Variants in CXCR6 observed in about 807,000 individuals in gnomAD.
The protein encoded by CXCR6 is C-X-C chemokine receptor type 6.
Under a neutral mutation model 1.6 loss-of-function variants are expected in CXCR6, and 3 were observed. The ratio of observed to expected loss-of-function variants is 1.83; its 90% CI spans 0.83 to 4.72. The LOEUF (loss-of-function observed/expected upper bound fraction) is 4.72. CXCR6 is among the 30% of genes most tolerant of loss of function. CXCR6 has a pLI of 0.02. For missense variants in CXCR6, 326 were observed against 414.8 expected (o/e 0.79, Z 1.86); for synonymous variants, 171 against 159.2 (o/e 1.07, Z -0.56).
chr3:45,942,031 T>C (rs140172325), upstream of CXCR6, among the ~76,000 whole-genome samples: 188 of 152,382 alleles, frequency 1.2e-3, no homozygotes, highest in African/African-American at 4.4e-3. Flanking sequence ...ATGTAGTCTA[T>C]GCGGCCTCAT....
At chr3:45,946,348 T>C (rs1704602220) in intron 1 of CXCR6, 113 bp from the exon 2 acceptor site, 2 of 714,346 alleles carry the variant, frequency 2.8e-6, no homozygotes, top group Non-Finnish European at 4.7e-6. Context: ...CACATCCCAG[T>C]GGGTGGGTTT....
At chr3:45,944,354 A>C (rs967105046) in intron 1 of CXCR6, among the ~76,000 whole-genome samples, 1 of 152,190 alleles carries the variant, frequency 6.6e-6, no homozygotes, top group African/African-American at 2.4e-5. Flanking sequence ...AATAGTTAAT[A>C]CTTATTTTGC....
upstream of CXCR6, among the ~76,000 whole-genome samples, chr3:45,941,611 G>C (rs1300191056): frequency 6.6e-6 from 1 of 152,214 alleles, no homozygotes; most frequent in African/African-American, 2.4e-5. Context: ...AAAGTCTTTT[G>C]TACTATAGAG....
chr3:45,946,481 C>T lies in CXCR6; in HGVS notation c.-1C>T. 1 of 1,610,992 alleles carries T rather than the reference C, an allele frequency of 6.2e-7. No individual in the cohort carries two copies. Among genetic ancestry groups the T allele is most frequent in the Non-Finnish European group, 8.5e-7 (1 of 1,177,860 alleles). On this transcript the variant is annotated 5_prime_UTR_variant, in exon 2 of 2. Coordinates refer to ENST00000304552, the MANE Select transcript of CXCR6 (RefSeq NM_006564.2). ...CACAGGTGTTCATCAGAACAGACAC[C>T]ATGGCAGAGCATGATTACCATGAAG...
rs1053135027 is a variant in CXCR6 at position 45,947,107 on chromosome 3, T to C, written c.626T>C (p.Val209Ala). ...GFFLPLLTMI[V>A]CYSVIIKTLL... is the part of the protein sequence containing the mutation. ...TTCTTGCCACTGCTCACCATGATTGTCTGCTATTCAGTCATAATCAAAACA... is the reference window on the plus strand; with the variant it reads ...TTCTTGCCACTGCTCACCATGATTGCCTGCTATTCAGTCATAATCAAAACA... The change falls in exon 2 of 2, where the codon GTC (valine) becomes GCC (alanine). Residue 209 changes from valine (V) to alanine (A), a missense_variant. Physicochemically the swap from Val to Ala is moderately conservative, Grantham distance 64. Transcript: ENST00000304552. 1.1e-5 allele frequency: 18 copies of C among 1,614,130 alleles called. No individual in the cohort carries two copies. The highest frequency in any genetic ancestry group is 2.7e-5 in the African/African-American group (2 of 74,948).
chr3:45,946,363 G>A (rs1704603469), intron 1 of CXCR6, 98 bp from the exon 2 acceptor site: 1 of 840,298 alleles, frequency 1.2e-6, no homozygotes, highest in Non-Finnish European at 1.9e-6. Flanking sequence ...GGGTTTAGAA[G>A]ATGACTATTT....
In CXCR6 at chr3:45,946,889, G is replaced by A; in HGVS notation, c.408G>A (p.Lys136=). Residue 136 remains lysine (K), a synonymous_variant, in exon 2 of 2, where the codon AAG becomes AAA. Transcript: ENST00000304552. ...TCATTGTAGTGGTTAAGGCCACCAA[G>A]GCCTACAACCAGCAAGCCAAGAGGA... The part of the protein sequence containing the change: ...DRFIVVVKAT[K]AYNQQAKRMT... 1 of 1,614,248 alleles carries A rather than the reference G, an allele frequency of 6.2e-7. No individual in the cohort carries two copies. Among genetic ancestry groups the A allele is most frequent in the South Asian group, 1.1e-5 (1 of 91,078 alleles).
upstream of CXCR6, chr3:45,941,203 G>A (rs1347885244): frequency 6.6e-6 from 1 of 152,136 alleles, no homozygotes; most frequent in Admixed American, 6.5e-5. Context: ...ACTTTTCTGT[G>A]GATCACAGCC....
At chr3:45,945,228 G>A (rs1194817374) in intron 1 of CXCR6, 3 of 152,228 alleles carry the variant, frequency 2.0e-5, no homozygotes, top group Non-Finnish European at 4.4e-5. Context: ...GCAATATTTT[G>A]ACTTTGCTGG....
rs755080913 is a variant in CXCR6 at position 45,946,592 on chromosome 3, G to A, written c.111G>A (p.Met37Ile). Residue 37 changes from methionine to isoleucine, a missense_variant, in exon 2 of 2, where the codon ATG (methionine) becomes ATA (isoleucine). Coordinates refer to ENST00000304552, the MANE Select transcript of CXCR6 (RefSeq NM_006564.2). ...LQFSKVFLPCMYLVVFVCGLV... is the reference protein window; with the variant it reads ...LQFSKVFLPCIYLVVFVCGLV... ...TCAGCAAGGTCTTTCTGCCCTGCAT[G>A]TACCTGGTGGTGTTTGTCTGTGGTC... The A allele has an allele frequency of 3.7e-6, 6 of 1,614,202 alleles. No individual in the cohort carries two copies. The highest frequency in any genetic ancestry group is 2.2e-5 in the South Asian group (2 of 91,076).
At chr3:45,946,377 C>T in intron 1 of CXCR6, 84 bp from the exon 2 acceptor site, 1 of 977,358 alleles carries the variant, frequency 1.0e-6, no homozygotes, top group East Asian at 2.4e-5. Context: ...ACTATTTGCC[C>T]CCTAAATGTG....
In CXCR6 at chr3:45,947,340, C is replaced by T. The variant is rs139181143; in HGVS notation, c.859C>T (p.Leu287Phe). ...CCTGAGGGCCTGCCTTAACCCTGTG[C>T]TCTATGCCTTTGTCAGCCTGAAGTT... is the stretch of plus-strand genomic sequence containing the variant. ...AYLRACLNPV[L>F]YAFVSLKFRK... Residue 287 changes from leucine (L) to phenylalanine (F), a missense_variant, in exon 2 of 2, where the codon CTC (leucine) becomes TTC (phenylalanine). Leu to Phe is a conservative substitution (Grantham distance 22, BLOSUM62 0). Transcript: ENST00000304552. 2.5e-6 allele frequency: 4 copies of T among 1,614,094 alleles called. No individual in the cohort carries two copies. Among genetic ancestry groups the T allele is most frequent in the Non-Finnish European group, 3.4e-6 (4 of 1,180,044 alleles).
At chr3:45,942,666 C>T (rs1391171159), upstream of CXCR6, among the ~76,000 whole-genome samples, 3 of 152,200 alleles carry the variant, frequency 2.0e-5, no homozygotes, top group East Asian at 1.9e-4. Flanking sequence ...TGCCTTCCAG[C>T]GTTATTTCCC....
chr3:45,943,081 G>C (rs139842312), upstream of CXCR6, among the ~76,000 whole-genome samples: 289 of 152,322 alleles, frequency 1.9e-3, 1 homozygote, highest in African/African-American at 6.8e-3. Context: ...ATATGCTGGA[G>C]CTGCATATGC....
Position 45,947,812 on chromosome 3 carries a change from T to C in CXCR6, c.*302T>C, listed in dbSNP as rs1245717104. The C allele has an allele frequency of 5.5e-6, 2 of 366,158 alleles. No homozygotes were observed. The highest frequency in any genetic ancestry group is 2.1e-5 in the African/African-American group (1 of 48,210). 22.7% of individuals were successfully genotyped at this position (366,158 alleles called of 1,614,324 possible). On this transcript the variant is annotated 3_prime_UTR_variant, in exon 2 of 2. Transcript: ENST00000304552. ...TCCTATGATCTCAGGTTCTCCTTGA[T>C]TGGGACTGGGGCTGAAGGTTGAAGA...
chr3:45,946,645 T>C lies in CXCR6; in HGVS notation c.164T>C (p.Ile55Thr), dbSNP rs1391149374. The change falls in exon 2 of 2, where the codon ATA becomes ACA. Residue 55 changes from isoleucine to threonine, a missense_variant. Transcript: ENST00000304552. Reference protein sequence around the residue: ...GLVGNSLVLVISIFYHKLQSL... With the variant: ...GLVGNSLVLVTSIFYHKLQSL... ...GTGGGGAACTCTCTGGTGCTGGTCA[T>C]ATCCATCTTCTACCATAAGTTGCAG... 6.2e-7 allele frequency: 1 copy of C among 1,614,208 alleles called. No individual in the cohort carries two copies. The highest frequency in any genetic ancestry group is 2.2e-5 in the East Asian group (1 of 44,882).
intron 1 of CXCR6, chr3:45,945,556 GT>G (rs1229609847): frequency 6.6e-6 from 1 of 152,178 alleles, no homozygotes; most frequent in Admixed American, 6.6e-5. Flanking sequence ...TTTCAATTGG[GT>G]TTTCTGCTTG....
upstream of CXCR6, among the ~76,000 whole-genome samples, chr3:45,942,963 G>T (rs985736857): frequency 3.3e-5 from 5 of 152,192 alleles, no homozygotes; most frequent in African/African-American, 7.2e-5. Context: ...CCAGTTTCTA[G>T]CTGTGTGCAC....
Position 45,947,799 on chromosome 3 carries a change from A to C in CXCR6, c.*289A>C. The stretch of plus-strand genomic sequence containing the variant: ...GATGACATGTGACTCCTATGATCTC[A>C]GGTTCTCCTTGATTGGGACTGGGGC... On this transcript the variant is annotated 3_prime_UTR_variant, in exon 2 of 2. Coordinates refer to ENST00000304552, the MANE Select transcript of CXCR6 (RefSeq NM_006564.2). The C allele has an allele frequency of 2.5e-6, 1 of 398,296 alleles. No individual in the cohort carries two copies. The allele number at this position is 398,296 out of a possible 1,614,324, so 24.7% of individuals were successfully genotyped here.
Sources: gnomAD v4.1 joint callset for allele counts (sites outside exome capture counted in the v4.1 genomes callset) on GRCh38, gnomAD v4.1.1 for gene constraint, MANE v1.5 for transcripts, NCBI Gene and HGNC (gene_info 2026-07-23, HGNC 2026-07-21) for gene names.